The following TSNARE1 variants were observed in gnomAD, a reference collection of about 807,000 sequenced individuals.
TSNARE1 encodes the protein t-SNARE domain-containing protein 1.
Under a neutral mutation model 62.0 loss-of-function variants are expected in TSNARE1, and 49 were observed. The ratio of observed to expected loss-of-function variants is 0.79; its 90% CI spans 0.63 to 1.00. The LOEUF (loss-of-function observed/expected upper bound fraction) is 1.00. Ranked by LOEUF, TSNARE1 falls within the 50% of genes least tolerant of loss-of-function variation. TSNARE1 has a pLI of 0.00. For synonymous variants in TSNARE1, 328 were observed against 294.4 expected (o/e 1.11, Z -1.17); for missense variants, 755 against 700.1 (o/e 1.08, Z -0.88).
intron 1 of TSNARE1, among the ~76,000 whole-genome samples, chr8:142,360,635 C>T (rs1359886354): frequency 3.3e-5 from 5 of 152,184 alleles, no homozygotes; most frequent in African/African-American, 1.2e-4. Flanking sequence ...CCGCCCCCCA[C>T]CAGCCTGAAG....
At chr8:142,340,184 A>C (rs1832372211) in intron 4 of TSNARE1, among the ~76,000 whole-genome samples, 1 of 152,204 alleles carries the variant, frequency 6.6e-6, no homozygotes, top group African/African-American at 2.4e-5. Flanking sequence ...ACAGGCGAGC[A>C]CCAGTCCAAA....
At chr8:142,259,310 C>T (rs1247190188) in intron 12 of TSNARE1, among the ~76,000 whole-genome samples, 1 of 152,210 alleles carries the variant, frequency 6.6e-6, no homozygotes, top group Admixed American at 6.5e-5. Flanking sequence ...TTCTGTTCAG[C>T]ATTCTCCCAG....
chr8:142,333,065 T>C (rs567828574), intron 4 of TSNARE1, among the ~76,000 whole-genome samples: 11 of 152,126 alleles, frequency 7.2e-5, no homozygotes, highest in Non-Finnish European at 1.6e-4. Context: ...ACCAAGGCAA[T>C]CCCCGGGGCC....
chr8:142,386,823 A>G (rs1402579724), intron 1 of TSNARE1, among the ~76,000 whole-genome samples: 3 of 152,240 alleles, frequency 2.0e-5, no homozygotes, highest in African/African-American at 4.8e-5. Context: ...CAACACTCAC[A>G]GGAGCCACAA....
intron 2 of TSNARE1, among the ~76,000 whole-genome samples, chr8:142,352,851 G>A (rs991534796): frequency 6.6e-6 from 1 of 152,170 alleles, no homozygotes; most frequent in African/African-American, 2.4e-5. Flanking sequence ...GGGGCCTGGG[G>A]GTCAGGCGCA....
At position 142,228,877 on chromosome 8, in the gene TSNARE1, A is replaced by C. The variant is rs568831734; in HGVS notation, c.*11+596T>G. 5.3e-5 allele frequency among the ~76,000 whole-genome samples: 8 copies of C among 150,688 alleles called. No individual in the cohort carries two copies. The East Asian group carries it at 1.4e-3, about 27-fold the overall frequency. ...AGGATGAATGGTGGATGGGTGGATA[A>C]TGGACGAACAGATGGTGTACAGGTG... On this transcript the variant is annotated intron_variant, in intron 13 of 13. Coordinates refer to ENST00000524325, the MANE Select transcript of TSNARE1 (RefSeq NM_145003.5).
rs117518263 is a variant in TSNARE1, at chr8:142,392,602, T to C, written c.-40+10502A>G. 7.0e-3 allele frequency among the ~76,000 whole-genome samples: 1,063 copies of C among 152,288 alleles called. 8 individuals are homozygous for C. Among genetic ancestry groups the C allele is most frequent in the Admixed American group, 0.02 (313 of 15,300 alleles). ...CCACCCTCGTCTATGCCATCCATCA[T>C]TGACCAAAACGTCCTTATGCTTCAC... On this transcript the variant is annotated intron_variant, in intron 1 of 13. Transcript: ENST00000524325.
intron 12 of TSNARE1, chr8:142,270,257 G>C (rs1819401948): frequency 2.0e-6 from 2 of 985,428 alleles, no homozygotes; most frequent in African/African-American, 3.5e-5. Context: ...AATGGAGGAA[G>C]AAGGATCTGA....
At chr8:142,304,741 T>C (rs1826376678) in intron 9 of TSNARE1, among the ~76,000 whole-genome samples, 1 of 152,106 alleles carries the variant, frequency 6.6e-6, no homozygotes, top group Non-Finnish European at 1.5e-5. Context: ...AGAGATGCCA[T>C]GAGATGCCAC....
intron 11 of TSNARE1, among the ~76,000 whole-genome samples, chr8:142,282,675 C>CTGTCTGTCAATGAGCAGAGGCGGGGCCAG (rs1821796350): frequency 9.7e-6 from 1 of 102,868 alleles, no homozygotes; most frequent in Non-Finnish European, 2.0e-5. Context: ...GGTGGGGCCA[C>CTGTCTGTCAATGAGCAGAGGCGGGGCCAG]TGTCTGTCAA....
At chr8:142,396,342 A>G (rs1414459448) in intron 1 of TSNARE1, among the ~76,000 whole-genome samples, 2 of 151,986 alleles carry the variant, frequency 1.3e-5, no homozygotes, top group African/African-American at 4.8e-5. Flanking sequence ...GGGGGCTCAC[A>G]CCACCCCGAC....
intron 12 of TSNARE1, among the ~76,000 whole-genome samples, chr8:142,263,239 C>T (rs1312006877): frequency 6.6e-6 from 1 of 152,214 alleles, no homozygotes; most frequent in South Asian, 2.1e-4. Context: ...TCAATTGTAA[C>T]AAATACTTTC....
chr8:142,404,541 C>G (rs1838532344), upstream of TSNARE1: 1 of 152,326 alleles, frequency 6.6e-6, no homozygotes, highest in African/African-American at 2.4e-5. Context: ...TGGGCCCACC[C>G]ACGCTCCTTG....
rs535878030 is a variant in TSNARE1, at chr8:142,295,285, C to T, written c.1290+5201G>A. ...ATTCCAGGGCTGCCAGACCCTGCAC[C>T]CTCCAGAGACAGATGGCACTTGGGT... is the stretch of plus-strand genomic sequence containing the variant. On this transcript the variant is annotated intron_variant, in intron 10 of 13. Coordinates refer to ENST00000524325, the MANE Select transcript of TSNARE1 (RefSeq NM_145003.5). Among the ~76,000 whole-genome samples the T allele has an allele frequency of 1.8e-3, 267 of 152,366 alleles. 1 individual carries two copies. Among genetic ancestry groups the T allele is most frequent in the Non-Finnish European group, 3.3e-3 (226 of 68,018 alleles).
At chr8:142,274,911 C>T (rs916606639) in intron 11 of TSNARE1, 48 bp from the exon 12 acceptor site, 3 of 1,456,322 alleles carry the variant, frequency 2.1e-6, no homozygotes, top group African/African-American at 1.4e-5. Flanking sequence ...GGCCCAGCCG[C>T]CCCCGCCCTG....
chr8:142,290,130 G>A (rs543395513), intron 10 of TSNARE1, among the ~76,000 whole-genome samples: 37 of 152,324 alleles, frequency 2.4e-4, no homozygotes, highest in African/African-American at 8.4e-4. Flanking sequence ...GCTCCCCCAC[G>A]GGCCTAGGTG....
At chr8:142,372,306 T>G (rs1403066038) in intron 1 of TSNARE1, among the ~76,000 whole-genome samples, 3 of 151,354 alleles carry the variant, frequency 2.0e-5, no homozygotes, top group Non-Finnish European at 1.5e-5. Context: ...GGCAGCAGAG[T>G]GGGAGGAGCC....
intron 1 of TSNARE1, among the ~76,000 whole-genome samples, chr8:142,397,661 A>G (rs1334430399): frequency 6.6e-6 from 1 of 152,224 alleles, no homozygotes; most frequent in African/African-American, 2.4e-5. Flanking sequence ...AGAGGCTCCC[A>G]GGCCAGCGTG....
intron 10 of TSNARE1, among the ~76,000 whole-genome samples, chr8:142,286,930 C>T (rs1338862349): frequency 1.3e-5 from 2 of 152,206 alleles, no homozygotes; most frequent in African/African-American, 2.4e-5. Flanking sequence ...TCTCCTCATG[C>T]GGCATGTGAC....
Sources: gnomAD v4.1 joint callset for allele counts (sites outside exome capture counted in the v4.1 genomes callset) on GRCh38, gnomAD v4.1.1 for gene constraint, MANE v1.5 for transcripts, NCBI Gene and HGNC (gene_info 2026-07-23, HGNC 2026-07-21) for gene names.